TET2: variants seen among roughly 807,000 people sequenced by gnomAD.
TET2 encodes the protein methylcytosine dioxygenase TET2.
In TET2, 299 loss-of-function variants were observed where a neutral mutation model predicts 142.9. The observed-to-expected ratio is 2.09, with a 90% confidence interval of 1.90 to 2.30. The LOEUF (loss-of-function observed/expected upper bound fraction) is 2.30, where lower values mean the gene tolerates loss of function less well. Among genes scored for constraint, TET2 ranks in the 30% most tolerant of loss-of-function variants. TET2 has a pLI of 0.00. For missense variants in TET2, 2,418 were observed against 2,378.0 expected, an observed-to-expected ratio of 1.02 and a Z score of -0.35; for synonymous variants, 819 against 849.0, an observed-to-expected ratio of 0.96 and a Z score of 0.61.
At chr4:105,201,206 T>C (rs959143943) in intron 2 of TET2, among the ~76,000 whole-genome samples, 5 of 152,200 alleles carry the variant, frequency 3.3e-5, no homozygotes, top group Non-Finnish European at 7.3e-5. Flanking sequence ...AATGTTATAC[T>C]TGATACATTT....
intron 8 of TET2, among the ~76,000 whole-genome samples, chr4:105,264,000 T>C (rs1024349289): frequency 2.6e-5 from 4 of 152,094 alleles, no homozygotes; most frequent in African/African-American, 9.7e-5. Flanking sequence ...TTAAAGACTC[T>C]CGTGGGATTA....
intron 2 of TET2, among the ~76,000 whole-genome samples, chr4:105,223,615 G>A (rs897446240): frequency 1.3e-5 from 2 of 152,148 alleles, no homozygotes; most frequent in African/African-American, 2.4e-5. Flanking sequence ...GAAGTCCATA[G>A]CATTGCACAC....
chr4:105,182,544 A>G (rs1009771670), intron 1 of TET2, among the ~76,000 whole-genome samples: 17 of 152,264 alleles, frequency 1.1e-4, no homozygotes, highest in African/African-American at 3.6e-4. Context: ...GCAATTTTGC[A>G]GAATGCATAG....
intron 1 of TET2, among the ~76,000 whole-genome samples, chr4:105,150,074 T>C (rs565011463): frequency 1.3e-5 from 2 of 152,344 alleles, no homozygotes; most frequent in East Asian, 3.9e-4. Flanking sequence ...GAAATGTATT[T>C]CCTTAATTAC....
At chr4:105,244,464 A>ATGAT (rs1729473992) in intron 6 of TET2, among the ~76,000 whole-genome samples, 2 of 151,880 alleles carry the variant, frequency 1.3e-5, no homozygotes, top group African/African-American at 4.8e-5. Flanking sequence ...AACACCATCC[A>ATGAT]CTTTGCATGA....
At position 105,242,912 on chromosome 4, in the gene TET2, T is replaced by G. The variant is rs1560552898; in HGVS notation, c.3579T>G (p.Cys1193Trp). 2 of 1,551,306 alleles carry G rather than the reference T, an allele frequency of 1.3e-6. No individual in the cohort carries two copies. Among genetic ancestry groups the G allele is most frequent in the East Asian group, 2.4e-5 (1 of 40,834 alleles). The change falls in exon 5 of 11, where the codon TGT (cysteine) becomes TGG (tryptophan). Residue 1193 changes from cysteine to tryptophan, a missense_variant. Coordinates refer to ENST00000380013, the MANE Select transcript of TET2 (RefSeq NM_001127208.3). ...AAGAAGGCAAAAGTTCTCAGGGATG[T>G]CCTATTGCTAAGTGGGTAAGTGTGA... ...TGKEGKSSQG[C>W]PIAKWVVRRS...
intron 9 of TET2, among the ~76,000 whole-genome samples, chr4:105,270,727 A>G (rs530242870): frequency 3.3e-5 from 5 of 152,164 alleles, no homozygotes; most frequent in African/African-American, 1.2e-4. Flanking sequence ...GGTTCAGGGT[A>G]TAATTTTGCA....
At chr4:105,178,728 T>C (rs1268113409) in intron 1 of TET2, among the ~76,000 whole-genome samples, 1 of 152,136 alleles carries the variant, frequency 6.6e-6, no homozygotes, top group Non-Finnish European at 1.5e-5. Context: ...GTAAAGTTTA[T>C]TAATGTTAAA....
chr4:105,258,817 T>C (rs990698329), intron 6 of TET2, among the ~76,000 whole-genome samples: 3 of 152,232 alleles, frequency 2.0e-5, no homozygotes, highest in Non-Finnish European at 4.4e-5. Flanking sequence ...CTTACTTGTA[T>C]GTTTGTTTAT....
At chr4:105,213,709 T>C (rs1286354156) in intron 2 of TET2, among the ~76,000 whole-genome samples, 1 of 152,214 alleles carries the variant, frequency 6.6e-6, no homozygotes, top group African/African-American at 2.4e-5. Context: ...CCTATGAGTC[T>C]CCATAGTTGC....
intron 1 of TET2, among the ~76,000 whole-genome samples, chr4:105,149,201 T>A (rs992346499): frequency 6.6e-6 from 1 of 152,184 alleles, no homozygotes. Context: ...ACTTTTCAAA[T>A]GTTGTGGTAT....
At chr4:105,189,075 A>T (rs915649411) in intron 1 of TET2, among the ~76,000 whole-genome samples, 2 of 152,154 alleles carry the variant, frequency 1.3e-5, no homozygotes, top group South Asian at 4.1e-4. Context: ...GGCTTTTATG[A>T]TGCCATGTTT....
chr4:105,159,276 G>A (rs1723721571), intron 1 of TET2, among the ~76,000 whole-genome samples: 2 of 147,180 alleles, frequency 1.4e-5, no homozygotes, highest in South Asian at 4.3e-4. Flanking sequence ...TTTTGAGACG[G>A]AGTTTCGCTC....
chr4:105,250,380 A>AT (rs59695275), intron 6 of TET2, among the ~76,000 whole-genome samples: 3,540 of 60,220 alleles, frequency 0.059, 533 homozygotes, highest in Non-Finnish European at 0.069. Context: ...TCCTTTCTGG[A>AT]TTTTTTTTTT....
chr4:105,241,251 G>T, intron 3 of TET2, 88 bp from the exon 4 acceptor site: 2 of 1,418,382 alleles, frequency 1.4e-6, no homozygotes, highest in African/African-American at 1.4e-5. Flanking sequence ...AGCCCTTAAT[G>T]TGTAGTTGGG....
intron 2 of TET2, among the ~76,000 whole-genome samples, chr4:105,193,761 G>A (rs937540439): frequency 6.6e-6 from 1 of 152,152 alleles, no homozygotes; most frequent in Non-Finnish European, 1.5e-5. Context: ...AATTCAGCAT[G>A]AGTCAGTTAA....
intron 2 of TET2, among the ~76,000 whole-genome samples, chr4:105,201,732 CTTTTTTTT>C (rs70964636): frequency 1.6e-5 from 1 of 63,052 alleles, no homozygotes; most frequent in Non-Finnish European, 2.7e-5. Flanking sequence ...CATCCAGGAC[CTTTTTTTT>C]TTTTTTTTTT....
chr4:105,267,347 TA>T (rs1578728522), intron 8 of TET2, among the ~76,000 whole-genome samples: 1 of 151,960 alleles, frequency 6.6e-6, no homozygotes, highest in African/African-American at 2.4e-5. Context: ...AAAAGACTTT[TA>T]AAAAAATGAT....
intron 2 of TET2, among the ~76,000 whole-genome samples, chr4:105,233,404 T>G (rs1728626862): frequency 1.6e-5 from 1 of 62,046 alleles, no homozygotes; most frequent in South Asian, 4.5e-4. Context: ...AAAAAAAAGC[T>G]ACTGCAGTAG....
Sources: allele counts gnomAD v4.1 joint callset (sites outside exome capture counted in the v4.1 genomes callset), GRCh38; gene constraint gnomAD v4.1.1; transcripts MANE v1.5; gene names NCBI Gene and HGNC (gene_info 2026-07-23, HGNC 2026-07-21).